The following CHUK variants were observed in gnomAD, a reference collection of about 807,000 sequenced individuals.
CHUK encodes the protein component of inhibitor of nuclear factor kappa B kinase complex, also known as inhibitor of nuclear factor kappa-B kinase subunit alpha.
A neutral mutation model predicts 104.8 loss-of-function variants in CHUK; 35 were observed. That is an observed-to-expected ratio of 0.33 (90% CI 0.26 to 0.44). The LOEUF (loss-of-function observed/expected upper bound fraction) is 0.44, where lower values mean the gene tolerates loss of function less well. CHUK is among the 20% of genes least tolerant of loss of function. The pLI, the probability that CHUK is intolerant of heterozygous loss-of-function variation, is 1.00. For synonymous variants in CHUK, 276 were observed against 291.9 expected, an observed-to-expected ratio of 0.95 and a Z score of 0.56; for missense variants, 663 against 902.7, an observed-to-expected ratio of 0.73 and a Z score of 3.40.
At chr10:100,190,667 T>TAA in intron 20 of CHUK, 1 of 585,548 alleles carries the variant, frequency 1.7e-6, no homozygotes, top group Non-Finnish European at 3.1e-6. Flanking sequence ...TTATTGAAGA[T>TAA]AATTGATGAC....
chr10:100,191,269 T>C (rs1336418706), intron 19 of CHUK, among the ~76,000 whole-genome samples: 18 of 152,160 alleles, frequency 1.2e-4, no homozygotes, highest in Admixed American at 1.2e-3. Context: ...CCCGTGAAAA[T>C]GTAACTAGGG....
At chr10:100,189,850 T>G (rs1280848710) in intron 20 of CHUK, among the ~76,000 whole-genome samples, 8 of 148,708 alleles carry the variant, frequency 5.4e-5, no homozygotes, top group Non-Finnish European at 1.2e-4. Flanking sequence ...TTTTTTTTTC[T>G]TAAGAGAGCA....
At chr10:100,205,677 CA>C (rs1845572755) in intron 11 of CHUK, among the ~76,000 whole-genome samples, 1 of 152,192 alleles carries the variant, frequency 6.6e-6, no homozygotes, top group Non-Finnish European at 1.5e-5. Context: ...CCTGTAATCC[CA>C]GCACTTTGGG....
intron 16 of CHUK, chr10:100,194,728 G>T (rs1845285247): frequency 7.3e-6 from 3 of 412,798 alleles, no homozygotes; most frequent in East Asian, 4.7e-5. Context: ...AAGTTTGCAG[G>T]TGTATAATGT....
At position 100,193,300 on chromosome 10, in the gene CHUK, A is replaced by T; in HGVS notation, c.2106T>A (p.Asp702Glu). 6.2e-7 allele frequency: 1 copy of T among 1,614,092 alleles called. No homozygotes were observed. Among genetic ancestry groups the T allele is most frequent in the Non-Finnish European group, 8.5e-7 (1 of 1,179,976 alleles). Residue 702 changes from aspartate (D) to glutamate (E), a missense_variant and splice_region_variant, in exon 19 of 21, where the codon GAT becomes GAA. Asp to Glu is a conservative substitution (Grantham distance 45, BLOSUM62 2). Transcript: ENST00000370397. ...HSLSCVVTPQ[D>E]GETSAQMIEE... ...CTATTGTTACAAAGTAAACCCACCC[A>T]TCTTGAGGAGTTACCACACATGACA...
At chr10:100,202,209 C>G in intron 13 of CHUK, 60 bp from the exon 14 acceptor site, 1 of 1,114,122 alleles carries the variant, frequency 9.0e-7, no homozygotes, top group South Asian at 1.2e-5. Flanking sequence ...TTACTGGCTG[C>G]CTGCCTCCTT....
chr10:100,189,500 G>T lies in CHUK; in HGVS notation c.*98C>A. The stretch of plus-strand genomic sequence containing the variant: ...TCTGTTCATAGCCATTTCTTCCATT[G>T]ACTGATGTCTGAAGAATGGTTTCAT... On this transcript the variant is annotated 3_prime_UTR_variant, in exon 21 of 21. Coordinates refer to ENST00000370397, the MANE Select transcript of CHUK (RefSeq NM_001278.5). 2 of 913,802 alleles carry T rather than the reference G, an allele frequency of 2.2e-6. No individual in the cohort carries two copies. The highest frequency in any genetic ancestry group is 3.7e-6 in the Non-Finnish European group (2 of 541,750). The allele number at this position is 913,802 out of a possible 1,614,324, so 56.6% of individuals were successfully genotyped here.
intron 11 of CHUK, among the ~76,000 whole-genome samples, chr10:100,206,805 T>C (rs944125110): frequency 1.3e-5 from 2 of 152,212 alleles, no homozygotes; most frequent in African/African-American, 4.8e-5. Context: ...TTTGGACAGA[T>C]ATACAGTGAT....
Position 100,209,612 on chromosome 10 carries a change from A to C in CHUK, c.1111T>G (p.Cys371Gly). ...TTTCTTACAACTCCATCTAGAACAC[A>C]TTGAGAGGCTGGTTTCCGAGGATCC... The part of the protein sequence containing the change: ...SLDPRKPASQ[C>G]VLDGVRGCDS... The change falls in exon 10 of 21, where the codon TGT becomes GGT. Residue 371 changes from cysteine to glycine, a missense_variant. By Grantham distance (159) the Cys-to-Gly change is radical. Transcript: ENST00000370397. 6.2e-7 allele frequency: 1 copy of C among 1,604,486 alleles called. No homozygotes were observed. The highest frequency in any genetic ancestry group is 8.5e-7 in the Non-Finnish European group (1 of 1,171,230).
At chr10:100,223,927 G>A (rs1846045248) in intron 2 of CHUK, among the ~76,000 whole-genome samples, 1 of 152,178 alleles carries the variant, frequency 6.6e-6, no homozygotes, top group Non-Finnish European at 1.5e-5. Context: ...TTTAAAATAT[G>A]TCTACTTCTC....
At chr10:100,188,076 G>C (rs1231732192), downstream of CHUK, 1 of 152,170 alleles carries the variant, frequency 6.6e-6, no homozygotes, top group Admixed American at 6.5e-5. Flanking sequence ...TGGTTGACTA[G>C]GAAAATGATA....
chr10:100,218,638 T>C (rs1191054778), intron 8 of CHUK, 80 bp downstream of exon 8: 14 of 941,052 alleles, frequency 1.5e-5, no homozygotes, highest in Admixed American at 8.8e-5. Context: ...ATAATGCAAC[T>C]TGAAACAGAC....
At chr10:100,209,816 G>A (rs376736973) in intron 9 of CHUK, 27 bp from the exon 10 acceptor site, 4 of 1,022,224 alleles carry the variant, frequency 3.9e-6, no homozygotes, top group Non-Finnish European at 6.1e-6. Flanking sequence ...AAAAGGTAAA[G>A]TTATTGATTA....
At chr10:100,221,756 G>A (rs893346063) in intron 4 of CHUK, among the ~76,000 whole-genome samples, 1 of 152,072 alleles carries the variant, frequency 6.6e-6, no homozygotes, top group Non-Finnish European at 1.5e-5. Flanking sequence ...TCCTGCCTCA[G>A]CCTCCCGAGT....
At chr10:100,212,460 G>A (rs1242387390) in intron 9 of CHUK, among the ~76,000 whole-genome samples, 2 of 152,066 alleles carry the variant, frequency 1.3e-5, no homozygotes, top group African/African-American at 4.8e-5. Context: ...GTCTAATTCA[G>A]GTCCTTTGCA....
chr10:100,221,263 C>T (rs543570956), intron 4 of CHUK, among the ~76,000 whole-genome samples: 54 of 152,184 alleles, frequency 3.5e-4, no homozygotes, highest in Non-Finnish European at 5.9e-4. Context: ...AGTGAAACCC[C>T]GTCTCTGTTA....
intron 2 of CHUK, 22 bp downstream of exon 2, chr10:100,225,901 G>GT: frequency 1.4e-6 from 2 of 1,404,828 alleles, no homozygotes; most frequent in Non-Finnish European, 2.0e-6. Context: ...CCAGGGAAAT[G>GT]TAAGTCAAGG....
At chr10:100,198,916 A>G (rs1845398646) in intron 16 of CHUK, among the ~76,000 whole-genome samples, 1 of 152,212 alleles carries the variant, frequency 6.6e-6, no homozygotes, top group Admixed American at 6.5e-5. Context: ...ACTAAATGAT[A>G]ATATCTTGCA....
intron 18 of CHUK, 33 bp downstream of exon 18, chr10:100,193,951 G>A (rs747710455): frequency 1.3e-6 from 2 of 1,588,006 alleles, no homozygotes; most frequent in East Asian, 2.2e-5. Flanking sequence ...GCAACTCAAT[G>A]TCACATTAAA....
Sources: allele counts gnomAD v4.1 joint callset (sites outside exome capture counted in the v4.1 genomes callset), GRCh38; gene constraint gnomAD v4.1.1; transcripts MANE v1.5; gene names NCBI Gene and HGNC (gene_info 2026-07-23, HGNC 2026-07-21).